CNTNAP4: variants seen among roughly 807,000 people sequenced by gnomAD.
The protein encoded by CNTNAP4 is contactin-associated protein-like 4.
A neutral mutation model predicts 148.4 loss-of-function variants in CNTNAP4; 98 were observed. The observed-to-expected ratio is 0.66, with a 90% CI of 0.56 to 0.78. The LOEUF is 0.78. Ranked by LOEUF, CNTNAP4 falls within the 30% of genes least tolerant of loss-of-function variation. The pLI, the probability that CNTNAP4 is intolerant of heterozygous loss-of-function variation, is 0.00. For missense variants in CNTNAP4, 1,935 were observed against 1,565.6 expected (o/e 1.24, Z -3.98); for synonymous variants, 730 against 565.1 (o/e 1.29, Z -4.14).
chr16:76,397,270 A>C (rs763779713), intron 3 of CNTNAP4, among the ~76,000 whole-genome samples: 3 of 152,074 alleles, frequency 2.0e-5, no homozygotes, highest in Non-Finnish European at 4.4e-5. Flanking sequence ...TAGAAGACAA[A>C]AAATGAACAA....
intron 2 of CNTNAP4, among the ~76,000 whole-genome samples, chr16:76,327,122 C>T (rs1200803226): frequency 6.6e-6 from 1 of 152,082 alleles, no homozygotes; most frequent in African/African-American, 2.4e-5. Flanking sequence ...TTGCATAATG[C>T]TCAGGTTTTG....
intron 3 of CNTNAP4, among the ~76,000 whole-genome samples, chr16:76,418,822 G>T (rs1506827): frequency 4.0e-5 from 6 of 151,474 alleles, no homozygotes; most frequent in African/African-American, 7.3e-5. Context: ...AAGACAAATA[G>T]GTTGTTAGTA....
At chr16:76,286,174 A>AGTGT (rs57003243) in intron 1 of CNTNAP4, among the ~76,000 whole-genome samples, 14,745 of 134,806 alleles carry the variant, frequency 0.11, 920 homozygotes, top group Middle Eastern at 0.14. Context: ...TAGAATTATC[A>AGTGT]GTGTGTGTGT....
intron 6 of CNTNAP4, among the ~76,000 whole-genome samples, chr16:76,449,170 T>C (rs907648813): frequency 6.6e-6 from 1 of 152,170 alleles, no homozygotes; most frequent in African/African-American, 2.4e-5. Context: ...TAGAGGGAGA[T>C]GATCTTTTTT....
chr16:76,324,521 C>T (rs986785126), intron 2 of CNTNAP4, among the ~76,000 whole-genome samples: 1 of 152,132 alleles, frequency 6.6e-6, no homozygotes, highest in African/African-American at 2.4e-5. Context: ...GAAGAAGAAA[C>T]CAAATAATTT....
intron 6 of CNTNAP4, among the ~76,000 whole-genome samples, chr16:76,449,500 A>G (rs1349022554): frequency 6.6e-6 from 1 of 152,198 alleles, no homozygotes; most frequent in Non-Finnish European, 1.5e-5. Context: ...TATCAAAGCC[A>G]GATGTGATCA....
intron 3 of CNTNAP4, among the ~76,000 whole-genome samples, chr16:76,379,272 G>C (rs1025961926): frequency 2.0e-5 from 3 of 152,212 alleles, no homozygotes; most frequent in South Asian, 4.2e-4. Context: ...GCATGTCAGG[G>C]AAGTTCATCC....
chr16:76,533,725 AG>A (rs2084089558), intron 17 of CNTNAP4, among the ~76,000 whole-genome samples: 1 of 152,196 alleles, frequency 6.6e-6, no homozygotes, highest in Non-Finnish European at 1.5e-5. Flanking sequence ...GAATTAAACA[AG>A]AAGATTTCCA....
intron 1 of CNTNAP4, among the ~76,000 whole-genome samples, chr16:76,314,802 T>G (rs1961529303): frequency 6.6e-6 from 1 of 152,138 alleles, no homozygotes; most frequent in African/African-American, 2.4e-5. Flanking sequence ...AGACCACCTA[T>G]CCCCAAATTA....
intron 18 of CNTNAP4, 124 bp downstream of exon 18, chr16:76,535,908 G>T: frequency 9.7e-7 from 1 of 1,031,180 alleles, no homozygotes; most frequent in South Asian, 1.6e-5. Flanking sequence ...CTTTGGCAAA[G>T]TATCTGTTGA....
rs1014026034 is a variant in CNTNAP4 at position 76,290,757 on chromosome 16, G to A, written c.85+13010G>A. Among the ~76,000 whole-genome samples the A allele has an allele frequency of 3.3e-5, 5 of 152,132 alleles. No homozygotes were observed. In the East Asian group the frequency reaches 5.8e-4, roughly 18 times the overall value. ...CGATGTTCAGAGACATATTCCCTTT[G>A]GTGCCATATTAGTCTTCTATGGCTG... On this transcript the variant is annotated intron_variant, in intron 1 of 23. Transcript: ENST00000611870.
rs57003243 is a variant in CNTNAP4 at position 76,286,174 on chromosome 16, A to AGTGTGTGTGTGT, written c.85+8461_85+8472dup. 8.1e-4 allele frequency among the ~76,000 whole-genome samples: 110 copies of AGTGTGTGTGTGT among 134,990 alleles called. 1 individual carries two copies. Among genetic ancestry groups the AGTGTGTGTGTGT allele is most frequent in the South Asian group, 3.2e-3 (12 of 3,710 alleles). 88.6% of individuals were successfully genotyped at this position (134,990 alleles called of 152,430 possible). ...AATGAGTTGCTGAGATAGAATTATC[A>AGTGTGTGTGTGT]GTGTGTGTGTGTGTGTGTGTGTGTG... On this transcript the variant is annotated intron_variant, in intron 1 of 23. Coordinates refer to ENST00000611870, the MANE Select transcript of CNTNAP4 (RefSeq NM_033401.5).
At chr16:76,415,300 C>T (rs191420287) in intron 3 of CNTNAP4, among the ~76,000 whole-genome samples, 70 of 151,168 alleles carry the variant, frequency 4.6e-4, no homozygotes, top group African/African-American at 1.6e-3. Flanking sequence ...TATTGCATGA[C>T]CTTCTTCAAA....
At position 76,372,615 on chromosome 16, in the gene CNTNAP4, T is replaced by C. The variant is rs533714691; in HGVS notation, c.390+17104T>C. On this transcript the variant is annotated intron_variant, in intron 3 of 23. Transcript: ENST00000611870. ...ATGGTTTTGTAAAGGGTTTCCCCTT[T>C]CGCTTGGCTCTCATTCTGTCTTTTC... Among the ~76,000 whole-genome samples the C allele has an allele frequency of 2.0e-5, 3 of 152,300 alleles. No individual in the cohort carries two copies. The South Asian group carries it at 6.2e-4, about 32-fold the overall frequency.
intron 1 of CNTNAP4, among the ~76,000 whole-genome samples, chr16:76,299,661 T>C (rs967543152): frequency 5.9e-5 from 9 of 152,132 alleles, no homozygotes; most frequent in African/African-American, 2.2e-4. Flanking sequence ...ACCCAAAGGA[T>C]TATAAATCAT....
intron 1 of CNTNAP4, among the ~76,000 whole-genome samples, chr16:76,292,346 T>C (rs1320650379): frequency 6.6e-6 from 1 of 152,212 alleles, no homozygotes. Context: ...ACCATGAACC[T>C]GTGGTGGTGG....
chr16:76,429,729 C>T (rs1268495691), intron 4 of CNTNAP4, among the ~76,000 whole-genome samples: 3 of 152,156 alleles, frequency 2.0e-5, no homozygotes, highest in South Asian at 4.1e-4. Flanking sequence ...TCAAACCTCC[C>T]CCTCACCTGT....
intron 17 of CNTNAP4, among the ~76,000 whole-genome samples, chr16:76,531,047 G>C (rs567226587): frequency 1.3e-5 from 2 of 152,262 alleles, no homozygotes; most frequent in East Asian, 3.9e-4. Context: ...GTCAAAGTCA[G>C]GCAGTGTCCT....
At chr16:76,494,766 G>T (rs1400534525) in intron 13 of CNTNAP4, 144 bp from the exon 14 acceptor site, 2 of 847,520 alleles carry the variant, frequency 2.4e-6, no homozygotes, top group African/African-American at 1.7e-5. Context: ...CAATCATACT[G>T]TTTTGCATAT....
Sources: allele counts gnomAD v4.1 joint callset (sites outside exome capture counted in the v4.1 genomes callset), GRCh38; gene constraint gnomAD v4.1.1; transcripts MANE v1.5; gene names NCBI Gene and HGNC (gene_info 2026-07-23, HGNC 2026-07-21).